GPC6: variants seen among roughly 807,000 people sequenced by gnomAD.
GPC6 encodes the protein glypican 6.
Under a neutral mutation model 55.2 loss-of-function variants are expected in GPC6, and 14 were observed. The observed-to-expected ratio is 0.25, with a 90% CI of 0.17 to 0.40. The LOEUF is 0.40. GPC6 is among the 10% of genes least tolerant of loss of function. The pLI is 1.00. For synonymous variants in GPC6, 278 were observed against 259.6 expected, an observed-to-expected ratio of 1.07 and a Z score of -0.68; for missense variants, 641 against 708.5, an observed-to-expected ratio of 0.90 and a Z score of 1.08.
chr13:94,172,662 T>C (rs558967034), intron 4 of GPC6, among the ~76,000 whole-genome samples: 24 of 152,342 alleles, frequency 1.6e-4, no homozygotes, highest in Admixed American at 7.2e-4. Flanking sequence ...TCTCTGGCTC[T>C]TTACATTAAA....
intron 4 of GPC6, among the ~76,000 whole-genome samples, chr13:94,041,790 T>A (rs1273006787): frequency 1.3e-5 from 2 of 151,936 alleles, no homozygotes; most frequent in Non-Finnish European, 2.9e-5. Flanking sequence ...CCAATTGTTA[T>A]TCTTTATTCT....
At chr13:93,915,666 C>A (rs1314937820) in intron 3 of GPC6, among the ~76,000 whole-genome samples, 1 of 152,050 alleles carries the variant, frequency 6.6e-6, no homozygotes, top group Non-Finnish European at 1.5e-5. Context: ...TATCATGAAC[C>A]CTATTGCTCA....
At chr13:94,232,195 A>G (rs759511302) in intron 4 of GPC6, among the ~76,000 whole-genome samples, 81 of 152,214 alleles carry the variant, frequency 5.3e-4, no homozygotes, top group Non-Finnish European at 1.1e-3. Flanking sequence ...CCTAAAAAGT[A>G]TTCCTTTCAT....
intron 2 of GPC6, among the ~76,000 whole-genome samples, chr13:93,790,990 T>C (rs1432179342): frequency 6.6e-6 from 1 of 152,186 alleles, no homozygotes; most frequent in African/African-American, 2.4e-5. Flanking sequence ...GAGGACTTTA[T>C]GGAAATGCTT....
chr13:93,856,270 G>C (rs1370220209), intron 3 of GPC6, among the ~76,000 whole-genome samples: 2 of 151,588 alleles, frequency 1.3e-5, no homozygotes, highest in African/African-American at 4.8e-5. Context: ...AAAGTTGAGA[G>C]TTAAGCAGAA....
intron 4 of GPC6, among the ~76,000 whole-genome samples, chr13:94,260,459 A>T (rs1891623841): frequency 6.6e-6 from 1 of 152,086 alleles, no homozygotes; most frequent in African/African-American, 2.4e-5. Flanking sequence ...CCAACCTTGG[A>T]TTATACTTGG....
At chr13:93,540,834 C>T (rs542427227) in intron 1 of GPC6, among the ~76,000 whole-genome samples, 2 of 152,122 alleles carry the variant, frequency 1.3e-5, no homozygotes, top group Non-Finnish European at 2.9e-5. Flanking sequence ...TTATCAAAGA[C>T]CTCTTACTTT....
chr13:94,160,385 A>G (rs1019811818), intron 4 of GPC6, among the ~76,000 whole-genome samples: 2 of 152,204 alleles, frequency 1.3e-5, no homozygotes, highest in African/African-American at 2.4e-5. Context: ...CTTATATCCT[A>G]TATAAGTCAC....
At chr13:94,027,114 T>G (rs1002392938) in intron 3 of GPC6, among the ~76,000 whole-genome samples, 27 of 152,186 alleles carry the variant, frequency 1.8e-4, no homozygotes, top group Admixed American at 1.7e-3. Flanking sequence ...TCATTGTCAG[T>G]GGATACGTAG....
At chr13:94,172,898 G>A (rs1024539111) in intron 4 of GPC6, among the ~76,000 whole-genome samples, 2 of 152,142 alleles carry the variant, frequency 1.3e-5, no homozygotes, top group African/African-American at 4.8e-5. Flanking sequence ...GACTGTTCCT[G>A]GGCAATGGTC....
chr13:94,078,795 T>C (rs1350760103), intron 4 of GPC6, among the ~76,000 whole-genome samples: 2 of 151,954 alleles, frequency 1.3e-5, no homozygotes, highest in Non-Finnish European at 2.9e-5. Context: ...GATGGCCTCA[T>C]TGGTGAATTC....
At chr13:94,135,866 C>A (rs1887166835) in intron 4 of GPC6, among the ~76,000 whole-genome samples, 2 of 152,262 alleles carry the variant, frequency 1.3e-5, no homozygotes, top group South Asian at 2.1e-4. Context: ...AGGAAAGGAG[C>A]TTAGGGCCCT....
At chr13:93,989,932 G>GTA (rs143198551) in intron 3 of GPC6, among the ~76,000 whole-genome samples, 64,243 of 145,948 alleles carry the variant, frequency 0.44, 15,476 homozygotes, top group South Asian at 0.62. Flanking sequence ...ATATATATAT[G>GTA]TATATATATA....
chr13:93,363,534 T>C (rs1309514893), intron 1 of GPC6, among the ~76,000 whole-genome samples: 1 of 151,576 alleles, frequency 6.6e-6, no homozygotes, highest in African/African-American at 2.4e-5. Flanking sequence ...CAGTCTATCA[T>C]TGTTGGACAT....
intron 2 of GPC6, among the ~76,000 whole-genome samples, chr13:93,719,819 T>G (rs756835530): frequency 1.3e-5 from 2 of 152,148 alleles, no homozygotes; most frequent in African/African-American, 2.4e-5. Flanking sequence ...ATGAAGGCCT[T>G]TTCTGCATCT....
intron 6 of GPC6, among the ~76,000 whole-genome samples, chr13:94,338,884 ATCGAGCTGG>A (rs1877868205): frequency 6.6e-6 from 1 of 152,134 alleles, no homozygotes; most frequent in South Asian, 2.1e-4. Context: ...TGGCCCTAAT[ATCGAGCTGG>A]TCAGCTTTCT....
chr13:94,191,911 G>C lies in GPC6; in HGVS notation c.878-94438G>C, dbSNP rs539359704. Among the ~76,000 whole-genome samples the C allele has an allele frequency of 3.3e-5, 5 of 152,268 alleles. No homozygotes were observed. In the East Asian group the frequency reaches 9.7e-4, roughly 30 times the overall value. ...TGAACTAAGTTTCCTGGTGTATAGAGAAGAAGCTTGTGTGCTGGATTCATA... is the reference window on the plus strand; with the variant it reads ...TGAACTAAGTTTCCTGGTGTATAGACAAGAAGCTTGTGTGCTGGATTCATA... On this transcript the variant is annotated intron_variant, in intron 4 of 8. Transcript: ENST00000377047.
chr13:94,034,248 G>GGAAGGAAGGAAGGAAGGAAGGAAA (rs1371545784), intron 4 of GPC6, among the ~76,000 whole-genome samples: 27 of 92,650 alleles, frequency 2.9e-4, no homozygotes, highest in Admixed American at 7.6e-4. Context: ...AAGGAAGGAA[G>GGAAGGAAGGAAGGAAGGAAGGAAA]GAAAGAAAGA....
intron 2 of GPC6, among the ~76,000 whole-genome samples, chr13:93,651,969 C>T (rs1880437579): frequency 6.6e-6 from 1 of 152,102 alleles, no homozygotes; most frequent in Non-Finnish European, 1.5e-5. Context: ...GGCTGAGAAC[C>T]ACTGGGCTAA....
Sources: gnomAD v4.1 joint callset for allele counts (sites outside exome capture counted in the v4.1 genomes callset) on GRCh38, gnomAD v4.1.1 for gene constraint, MANE v1.5 for transcripts, NCBI Gene and HGNC (gene_info 2026-07-23, HGNC 2026-07-21) for gene names.